Variants in GRM8 observed in about 807,000 individuals in gnomAD.
GRM8 encodes metabotropic glutamate receptor 8.
A neutral mutation model predicts 87.2 loss-of-function variants in GRM8; 47 were observed. The ratio of observed to expected loss-of-function variants is 0.54; its 90% CI spans 0.43 to 0.69. The LOEUF (loss-of-function observed/expected upper bound fraction) is 0.69, where lower values mean the gene tolerates loss of function less well. Ranked by LOEUF, GRM8 falls within the 30% of genes least tolerant of loss-of-function variation. The pLI, the probability that GRM8 is intolerant of heterozygous loss-of-function variation, is 0.00. For synonymous variants in GRM8, 396 were observed against 404.5 expected, an observed-to-expected ratio of 0.98 and a Z score of 0.25; for missense variants, 1,019 against 1,139.2, an observed-to-expected ratio of 0.89 and a Z score of 1.52.
chr7:127,119,481 G>GTCTC (rs66684637), intron 2 of GRM8, among the ~76,000 whole-genome samples: 38 of 148,704 alleles, frequency 2.6e-4, no homozygotes, highest in Non-Finnish European at 2.5e-4. Context: ...GCGAGATCCT[G>GTCTC]TCTCTCTCTC....
At chr7:126,867,192 G>A (rs1798674765) in intron 6 of GRM8, among the ~76,000 whole-genome samples, 1 of 152,104 alleles carries the variant, frequency 6.6e-6, no homozygotes, top group South Asian at 2.1e-4. Flanking sequence ...TGGCAATTTT[G>A]ATATAAGGAG....
At chr7:126,639,159 G>A (rs76143837) in intron 7 of GRM8, among the ~76,000 whole-genome samples, 19,702 of 152,144 alleles carry the variant, frequency 0.13, 1,679 homozygotes, top group Non-Finnish European at 0.17. Context: ...CCACTTCCTT[G>A]GCATGCTCTT....
intron 9 of GRM8, among the ~76,000 whole-genome samples, chr7:126,523,450 G>T (rs1357812957): frequency 1.3e-5 from 2 of 151,378 alleles, no homozygotes; most frequent in Non-Finnish European, 2.9e-5. Flanking sequence ...GAGTGATTTA[G>T]TGTTTGCACA....
intron 3 of GRM8, among the ~76,000 whole-genome samples, chr7:127,100,580 G>T (rs1825140866): frequency 6.6e-6 from 1 of 152,180 alleles, no homozygotes; most frequent in Admixed American, 6.5e-5. Flanking sequence ...CACATGGCTG[G>T]GGGTGGCCTC....
chr7:126,866,621 T>C (rs1798619776), intron 6 of GRM8, among the ~76,000 whole-genome samples: 2 of 140,038 alleles, frequency 1.4e-5, no homozygotes, highest in Admixed American at 1.5e-4. Flanking sequence ...AGACGGAGTC[T>C]TGCTCTGTCA....
chr7:127,053,774 C>G, intron 3 of GRM8, among the ~76,000 whole-genome samples: 1 of 106,814 alleles, frequency 9.4e-6, no homozygotes, highest in African/African-American at 4.2e-5. Context: ...AGTGACAGAG[C>G]GAGACTCTGT....
intron 7 of GRM8, among the ~76,000 whole-genome samples, chr7:126,709,639 G>C (rs1043855581): frequency 6.6e-6 from 1 of 151,964 alleles, no homozygotes. Flanking sequence ...TTAAAACAGA[G>C]CTACCATATG....
At chr7:126,609,833 A>T (rs1172533771) in intron 7 of GRM8, among the ~76,000 whole-genome samples, 2 of 152,262 alleles carry the variant, frequency 1.3e-5, no homozygotes, top group African/African-American at 4.8e-5. Context: ...TAATAGAGAA[A>T]AATGTAAATG....
intron 9 of GRM8, among the ~76,000 whole-genome samples, chr7:126,492,973 T>C (rs1808212569): frequency 6.6e-6 from 1 of 152,072 alleles, no homozygotes; most frequent in Non-Finnish European, 1.5e-5. Context: ...CACCAGCACA[T>C]GTGCGAAGGG....
At chr7:127,222,932 G>A (rs1283262971) in intron 2 of GRM8, among the ~76,000 whole-genome samples, 1 of 152,296 alleles carries the variant, frequency 6.6e-6, no homozygotes. Context: ...AGCAGTTCCT[G>A]TTCCAAGCTA....
chr7:126,461,602 C>T (rs1803905373), intron 9 of GRM8, among the ~76,000 whole-genome samples: 1 of 151,636 alleles, frequency 6.6e-6, no homozygotes, highest in East Asian at 1.9e-4. Context: ...GCCTTTGAAA[C>T]TGTCTTAACA....
chr7:126,579,232 A>G (rs539958038), intron 8 of GRM8, among the ~76,000 whole-genome samples: 4 of 152,200 alleles, frequency 2.6e-5, no homozygotes, highest in Non-Finnish European at 5.9e-5. Flanking sequence ...TCTAACAGGA[A>G]AAAAGGACAA....
intron 3 of GRM8, among the ~76,000 whole-genome samples, chr7:126,983,422 T>C (rs559381832): frequency 2.6e-5 from 4 of 152,062 alleles, no homozygotes; most frequent in Non-Finnish European, 5.9e-5. Flanking sequence ...GCTTCCAATA[T>C]ACGGTACTGC....
chr7:127,024,442 G>T (rs1331541938), intron 3 of GRM8, among the ~76,000 whole-genome samples: 1 of 151,938 alleles, frequency 6.6e-6, no homozygotes, highest in Non-Finnish European at 1.5e-5. Flanking sequence ...CAACAATTGA[G>T]ATGTTAATAC....
chr7:126,704,694 G>A (rs1191568747), intron 7 of GRM8, among the ~76,000 whole-genome samples: 1 of 152,070 alleles, frequency 6.6e-6, no homozygotes, highest in East Asian at 1.9e-4. Flanking sequence ...CGAGCTGTAG[G>A]GATGAAATAA....
At chr7:127,079,854 T>TC (rs1320960686) in intron 3 of GRM8, among the ~76,000 whole-genome samples, 2 of 152,004 alleles carry the variant, frequency 1.3e-5, no homozygotes, top group African/African-American at 4.8e-5. Flanking sequence ...CCTTAAGTAC[T>TC]CCCAAACCTC....
chr7:126,767,472 G>C (rs943078297), intron 7 of GRM8, among the ~76,000 whole-genome samples: 1 of 152,120 alleles, frequency 6.6e-6, no homozygotes, highest in African/African-American at 2.4e-5. Flanking sequence ...CCAAGAAAAT[G>C]TGTTCTCTCT....
chr7:127,049,512 C>G (rs1819259420), intron 3 of GRM8, among the ~76,000 whole-genome samples: 1 of 152,248 alleles, frequency 6.6e-6, no homozygotes, highest in Non-Finnish European at 1.5e-5. Flanking sequence ...TTTATATCAA[C>G]CAGCCACAAA....
At chr7:126,871,944 T>G (rs965017553) in intron 6 of GRM8, among the ~76,000 whole-genome samples, 1 of 152,204 alleles carries the variant, frequency 6.6e-6, no homozygotes, top group Non-Finnish European at 1.5e-5. Flanking sequence ...ATATATATGA[T>G]TCATAAGATG....
Sources: gnomAD v4.1 joint callset for allele counts (sites outside exome capture counted in the v4.1 genomes callset) on GRCh38, gnomAD v4.1.1 for gene constraint, MANE v1.5 for transcripts, NCBI Gene and HGNC (gene_info 2026-07-23, HGNC 2026-07-21) for gene names.